OTOF: variants seen among roughly 807,000 people sequenced by gnomAD.
OTOF encodes fer-1-like family member 2.
In OTOF, 218 loss-of-function variants were observed where a neutral mutation model predicts 236.8. That is an observed-to-expected ratio of 0.92 (90% CI 0.82 to 1.03). The LOEUF (loss-of-function observed/expected upper bound fraction) is 1.03. OTOF is among the 50% of genes least tolerant of loss of function. The pLI, the probability that OTOF is intolerant of heterozygous loss-of-function variation, is 0.00. For synonymous variants in OTOF, 1,041 were observed against 1,072.5 expected, an observed-to-expected ratio of 0.97 and a Z score of 0.57; for missense variants, 2,590 against 2,694.4, an observed-to-expected ratio of 0.96 and a Z score of 0.86.
intron 33 of OTOF, among the ~76,000 whole-genome samples, chr2:26,467,956 G>A (rs1664813907): frequency 6.6e-6 from 1 of 152,208 alleles, no homozygotes; most frequent in South Asian, 2.1e-4. Flanking sequence ...ATTTTATACT[G>A]TGTCTTCCTT....
Position 26,519,106 on chromosome 2 carries a change from G to A in OTOF, c.231C>T (p.Leu77=), listed in dbSNP as rs779951897. The part of the protein sequence containing the change: ...FNYSKVFSNK[L]IGTFRMVLQK... ...GCAGCACCATGCGGAAGGTCCCGATGAGCCTGGGGATGGCAGAGGGGGCAC... is the reference window on the plus strand; with the variant it reads ...GCAGCACCATGCGGAAGGTCCCGATAAGCCTGGGGATGGCAGAGGGGGCAC... Residue 77 remains leucine, a synonymous_variant, in exon 4 of 47, where the codon CTC becomes CTT. Coordinates refer to ENST00000272371, the MANE Select transcript of OTOF (RefSeq NM_194248.3). The A allele has an allele frequency of 3.1e-6, 5 of 1,594,560 alleles. No homozygotes were observed. Among genetic ancestry groups the A allele is most frequent in the Middle Eastern group, 1.7e-4 (1 of 6,032 alleles).
At chr2:26,485,989 C>T (rs62127672) in intron 11 of OTOF, among the ~76,000 whole-genome samples, 9 of 152,242 alleles carry the variant, frequency 5.9e-5, no homozygotes, top group Admixed American at 1.3e-4. Flanking sequence ...AGATGTGTGT[C>T]GGATGAGGAG....
intron 9 of OTOF, among the ~76,000 whole-genome samples, chr2:26,491,715 G>A (rs964919199): frequency 6.6e-6 from 1 of 152,220 alleles, no homozygotes; most frequent in African/African-American, 2.4e-5. Flanking sequence ...CCTTAGTCTG[G>A]TTTGTGAATG....
intron 38 of OTOF, 144 bp downstream of exon 38, chr2:26,465,528 G>T: frequency 2.5e-6 from 2 of 815,680 alleles, no homozygotes; most frequent in Non-Finnish European, 4.0e-6. Flanking sequence ...TGAAGACTGT[G>T]CCCAGGGACT....
rs1558488219 is a variant in OTOF, at chr2:26,479,545, T to A, written c.2021A>T (p.Asp674Val). The A allele has an allele frequency of 6.2e-7, 1 of 1,611,906 alleles. No homozygotes were observed. The highest frequency in any genetic ancestry group is 8.5e-7 in the Non-Finnish European group (1 of 1,179,778). The part of the protein sequence containing the change: ...EVDLIQNASD[D>V]EAGDAGDLAS... Reference sequence around the variant, plus strand: ...CAGGTCCCCGGCATCACCGGCCTCGTCATCACTTGCGTTCTGAATCAGGTC... The same window carrying A: ...CAGGTCCCCGGCATCACCGGCCTCGACATCACTTGCGTTCTGAATCAGGTC... The change falls in exon 17 of 47, where the codon GAC becomes GTC. Residue 674 changes from aspartate (D) to valine (V), a missense_variant. Around this residue, in one of 2 missense-constraint regions of OTOF, gnomAD observed 1,379 missense variants for 1,341.6 expected, o/e 1.03. Coordinates refer to ENST00000272371, the MANE Select transcript of OTOF (RefSeq NM_194248.3).
intron 1 of OTOF, among the ~76,000 whole-genome samples, chr2:26,554,275 C>T (rs1040132226): frequency 6.6e-6 from 1 of 151,836 alleles, no homozygotes; most frequent in African/African-American, 2.4e-5. Flanking sequence ...TGGTTCTTGG[C>T]CCTTGAGGCC....
At chr2:26,516,691 T>G in intron 4 of OTOF, 92 bp from the exon 5 acceptor site, 3 of 1,330,118 alleles carry the variant, frequency 2.3e-6, no homozygotes, top group Non-Finnish European at 3.2e-6. Context: ...TACACAGCGC[T>G]TCCACACCCT....
At chr2:26,507,086 G>A (rs762861940) in intron 5 of OTOF, among the ~76,000 whole-genome samples, 12 of 152,228 alleles carry the variant, frequency 7.9e-5, no homozygotes, top group Non-Finnish European at 1.8e-4. Flanking sequence ...ACCCTGCATA[G>A]TTTTAGCTGT....
chr2:26,509,491 G>A (rs533971488), intron 5 of OTOF, among the ~76,000 whole-genome samples: 25 of 152,140 alleles, frequency 1.6e-4, no homozygotes, highest in Middle Eastern at 3.2e-3. Flanking sequence ...TTGCTTGTGC[G>A]TAACAAATGC....
chr2:26,506,306 T>G (rs1461464864), intron 5 of OTOF, among the ~76,000 whole-genome samples: 1 of 152,240 alleles, frequency 6.6e-6, no homozygotes, highest in East Asian at 1.9e-4. Flanking sequence ...TGGCCATTCC[T>G]AGGCTGTGTT....
Position 26,536,462 on chromosome 2 carries a change from G to C in OTOF, c.138+1254C>G, listed in dbSNP as rs532109699. ...TGGCAACTGCGCCCTGAAGTGGTTG[G>C]GGAGGGTGTGGTGCTGGGCCGCGAT... On this transcript the variant is annotated intron_variant, in intron 2 of 46. Transcript: ENST00000272371. 3.1e-4 allele frequency among the ~76,000 whole-genome samples: 47 copies of C among 152,294 alleles called. 1 individual carries two copies. The South Asian group carries it at 7.7e-3, about 25-fold the overall frequency.
At chr2:26,502,493 A>G in intron 6 of OTOF, 67 bp from the exon 7 acceptor site, 1 of 1,516,598 alleles carries the variant, frequency 6.6e-7, no homozygotes, top group Non-Finnish European at 9.0e-7. Context: ...TTCTCCTTTT[A>G]CTCTGGCATC....
intron 3 of OTOF, among the ~76,000 whole-genome samples, chr2:26,526,313 G>A (rs1046008123): frequency 3.3e-5 from 5 of 151,818 alleles, no homozygotes; most frequent in Admixed American, 1.3e-4. Context: ...AAGGATGGAC[G>A]GATGAATGGA....
chr2:26,476,999 G>A lies in OTOF; in HGVS notation c.2568C>T (p.Asn856=), dbSNP rs1466301841. The A allele has an allele frequency of 6.2e-7, 1 of 1,611,114 alleles. No individual in the cohort carries two copies. The highest frequency in any genetic ancestry group is 8.5e-7 in the Non-Finnish European group (1 of 1,179,292). ...CACGGGCATAGGCGACACGCTTGTT[G>A]TTGCTCATCATCCAGATGAAGATGT... ...IPDIFIWMMS[N]NKRVAYARVP... Residue 856 remains asparagine, a synonymous_variant, in exon 22 of 47, where the codon AAC becomes AAT. Coordinates refer to ENST00000272371, the MANE Select transcript of OTOF (RefSeq NM_194248.3).
rs371715774 is a variant in OTOF at position 26,485,936 on chromosome 2, G to A, written c.1046-1303C>T. On this transcript the variant is annotated intron_variant, in intron 11 of 46. Coordinates refer to ENST00000272371, the MANE Select transcript of OTOF (RefSeq NM_194248.3). ...CAGGCTGGCAGGCCTCCAGGGAGGG[G>A]CCATGTCCCAGGAATCCCAGGAGCT... Among the ~76,000 whole-genome samples, 64 of 152,370 alleles carry A rather than the reference G, an allele frequency of 4.2e-4. 2 individuals carry two copies. Among genetic ancestry groups the A allele is most frequent in the African/African-American group, 1.5e-3 (63 of 41,586 alleles).
chr2:26,473,824 G>A lies in OTOF; in HGVS notation c.3408+167C>T, dbSNP rs1665116853. 6.6e-6 allele frequency among the ~76,000 whole-genome samples: 1 copy of A among 152,092 alleles called. No individual in the cohort carries two copies. Among genetic ancestry groups the A allele is most frequent in the Admixed American group, 6.5e-5 (1 of 15,268 alleles). Reference sequence around the variant, plus strand: ...AGGGCTGGGCATGGTCCTGGGACATGGGAGTGCGACTTGGTGCAGATGGGG... The same window carrying A: ...AGGGCTGGGCATGGTCCTGGGACATAGGAGTGCGACTTGGTGCAGATGGGG... On this transcript the variant is annotated intron_variant, in intron 27 of 46. Coordinates refer to ENST00000272371, the MANE Select transcript of OTOF (RefSeq NM_194248.3). This position sits in a 1 kb window ranked among gnomAD's most constrained non-coding sequence, Gnocchi z 7.2.
At chr2:26,532,683 A>G (rs4665871) in intron 2 of OTOF, among the ~76,000 whole-genome samples, 82,798 of 151,746 alleles carry the variant, frequency 0.55, 24,036 homozygotes, top group African/African-American at 0.72. Context: ...GGAGGGAGTG[A>G]TCTCAGGAGC....
At position 26,527,887 on chromosome 2, in the gene OTOF, T is replaced by C. The variant is rs55758136; in HGVS notation, c.172A>G (p.Arg58Gly). The C allele has an allele frequency of 5.0e-6, 8 of 1,614,016 alleles. No homozygotes were observed. Among genetic ancestry groups the C allele is most frequent in the Non-Finnish European group, 6.8e-6 (8 of 1,179,992 alleles). ...ACCTGAATCTCCAGCATCTCATTTCTGTCGATGCTGCTGGCCACCGGCCAC... is the reference window on the plus strand; with the variant it reads ...ACCTGAATCTCCAGCATCTCATTTCCGTCGATGCTGCTGGCCACCGGCCAC... ...FRWPVASSID[R>G]NEMLEIQVFN... Residue 58 changes from arginine to glycine, a missense_variant, in exon 3 of 47, where the codon AGA becomes GGA. By Grantham distance (125) the Arg-to-Gly change is moderately radical. Around this residue, in one of 2 missense-constraint regions of OTOF, gnomAD observed 1,379 missense variants for 1,341.6 expected, o/e 1.03. Coordinates refer to ENST00000272371, the MANE Select transcript of OTOF (RefSeq NM_194248.3).
intron 2 of OTOF, among the ~76,000 whole-genome samples, chr2:26,537,469 G>A (rs1378487172): frequency 6.6e-6 from 1 of 152,232 alleles, no homozygotes; most frequent in South Asian, 2.1e-4. Flanking sequence ...GGTGGGCGAG[G>A]CTGCTGTTCC....
Sources: allele counts gnomAD v4.1 joint callset (sites outside exome capture counted in the v4.1 genomes callset), GRCh38; gene constraint gnomAD v4.1.1; regional missense constraint gnomAD v4.1.1; non-coding constraint Gnocchi (gnomAD v3.1); transcripts MANE v1.5; gene names NCBI Gene and HGNC (gene_info 2026-07-23, HGNC 2026-07-21).